C1orf116: variants seen among roughly 807,000 people sequenced by gnomAD.
C1orf116 encodes the protein chromosome 1 open reading frame 116, also known as specifically androgen-regulated gene protein.
In C1orf116, 12 loss-of-function variants were observed where a neutral mutation model predicts 14.1. The observed-to-expected ratio is 0.85, with a 90% CI of 0.54 to 1.38. The LOEUF is 1.38. Ranked by LOEUF, C1orf116 falls within the 40% of genes most tolerant of loss-of-function variation. C1orf116 has a pLI of 0.00. For synonymous variants in C1orf116, 296 were observed against 299.0 expected (o/e 0.99, Z 0.10); for missense variants, 797 against 747.0 (o/e 1.07, Z -0.78).
intron 2 of C1orf116, among the ~76,000 whole-genome samples, chr1:207,027,220 C>T (rs1157728227): frequency 6.6e-6 from 1 of 152,180 alleles, no homozygotes; most frequent in Non-Finnish European, 1.5e-5. Context: ...GATTACAGGC[C>T]TACTCTCTCT....
Position 207,022,537 on chromosome 1 carries a change from A to C in C1orf116, c.1227T>G (p.Ala409=), listed in dbSNP as rs763443019. The change falls in exon 4 of 4, where the codon GCT becomes GCG. Residue 409 remains alanine, a synonymous_variant. Transcript: ENST00000359470. ...ASAAIPAAGK[A]LAQAPAPAPG... is the part of the protein sequence containing the mutation. ...GAGCTGGAGCCGGAGCTTGAGCCAG[A>C]GCCTTCCCAGCAGCAGGAATAGCTG... 6.2e-7 allele frequency: 1 copy of C among 1,614,002 alleles called. No homozygotes were observed. Among genetic ancestry groups the C allele is most frequent in the Non-Finnish European group, 8.5e-7 (1 of 1,179,948 alleles).
In C1orf116 at chr1:207,022,995, T is replaced by G. The variant is rs766588041; in HGVS notation, c.769A>C (p.Thr257Pro). 1.2e-6 allele frequency: 2 copies of G among 1,613,938 alleles called. No individual in the cohort carries two copies. The highest frequency in any genetic ancestry group is 2.7e-5 in the African/African-American group (2 of 74,888). Residue 257 changes from threonine (T) to proline (P), a missense_variant, in exon 4 of 4, where the codon ACC becomes CCC. Physicochemically the swap from Thr to Pro is conservative, Grantham distance 38. Transcript: ENST00000359470. Reference sequence around the variant, plus strand: ...GGAGGCTGGGGTTGTGTGTACCTGGTTGAGACTGTTTCCTTGGCTTTTTGG... The same window carrying G: ...GGAGGCTGGGGTTGTGTGTACCTGGGTGAGACTGTTTCCTTGGCTTTTTGG... ...MSQKAKETVS[T>P]RYTQPQPPPA... is the part of the protein sequence containing the mutation.
rs1022798029 is a variant in C1orf116, at chr1:207,019,486, C to T, written c.*2472G>A. ...AGTAACTCTGACCCTACTCTTACCT[C>T]CCTCCCCATCAATTCAAGCTGAATT... On this transcript the variant is annotated 3_prime_UTR_variant, in exon 4 of 4. Coordinates refer to ENST00000359470, the MANE Select transcript of C1orf116 (RefSeq NM_023938.6). 2 of 152,232 alleles carry T rather than the reference C, an allele frequency of 1.3e-5. No individual in the cohort carries two copies. Among genetic ancestry groups the T allele is most frequent in the Admixed American group, 6.5e-5 (1 of 15,288 alleles). The allele number at this position is 152,232 out of a possible 1,614,324, so 9.4% of individuals were successfully genotyped here. A position where few individuals can be genotyped will look rare whatever the true frequency, so the allele number is the denominator to read the frequency against.
chr1:207,032,736 C>T lies in C1orf116; in HGVS notation c.-239G>A, dbSNP rs1770375. On this transcript the variant is annotated 5_prime_UTR_variant, in exon 1 of 4. Transcript: ENST00000359470. ...ATAGGTAAATGCTTCATCTGTGCTG[C>T]CTGGCCCCCACCCTGCCACTGACTC... 1.0e-6 allele frequency: 1 copy of T among 985,346 alleles called. No homozygotes were observed. The highest frequency in any genetic ancestry group is 4.7e-5 in the South Asian group (1 of 21,280). The allele number at this position is 985,346 out of a possible 1,614,324, so 61.0% of individuals were successfully genotyped here. A position where few individuals can be genotyped will look rare whatever the true frequency, so the allele number is the denominator to read the frequency against.
intron 3 of C1orf116, among the ~76,000 whole-genome samples, chr1:207,024,457 A>G (rs1162917148): frequency 6.6e-6 from 1 of 152,118 alleles, no homozygotes; most frequent in Non-Finnish European, 1.5e-5. Context: ...GGTACTTCCC[A>G]CTGCAGCTGG....
Position 207,024,812 on chromosome 1 carries a change from G to A in C1orf116, c.283+75C>T. On this transcript the variant is annotated intron_variant, in intron 3 of 3. Coordinates refer to ENST00000359470, the MANE Select transcript of C1orf116 (RefSeq NM_023938.6). ...GACCCTTGGGGTAGAGGGCAGGCGAGGTAGAAAGTGGCCGGAGGGGACATA... is the reference window on the plus strand; with the variant it reads ...GACCCTTGGGGTAGAGGGCAGGCGAAGTAGAAAGTGGCCGGAGGGGACATA... The A allele has an allele frequency of 3.3e-6, 5 of 1,536,184 alleles. No individual in the cohort carries two copies. The South Asian group carries it at 4.8e-5, about 15-fold the overall frequency.
At chr1:207,024,238 G>A (rs1421124340) in intron 3 of C1orf116, among the ~76,000 whole-genome samples, 1 of 152,210 alleles carries the variant, frequency 6.6e-6, no homozygotes, top group South Asian at 2.1e-4. Context: ...TCCAGGGAAG[G>A]TCTAACTACT....
intron 1 of C1orf116, 43 bp from the exon 2 acceptor site, chr1:207,027,722 G>C: frequency 8.1e-6 from 12 of 1,479,354 alleles, no homozygotes; most frequent in Non-Finnish European, 1.1e-5. Flanking sequence ...CCGAGGCTTC[G>C]GCAAGGCTCT....
In C1orf116 at chr1:207,031,224, A is replaced by G. The variant is rs79746235; in HGVS notation, c.-82+1355T>C. 8.5e-3 allele frequency among the ~76,000 whole-genome samples: 1,290 copies of G among 152,348 alleles called. 14 individuals are homozygous for G. Among genetic ancestry groups the G allele is most frequent in the African/African-American group, 0.029 (1,222 of 41,580 alleles). On this transcript the variant is annotated intron_variant, in intron 1 of 3. Coordinates refer to ENST00000359470, the MANE Select transcript of C1orf116 (RefSeq NM_023938.6). ...AATGACTAAAACTTGCACAGTTTGC[A>G]TATCTGTCTCCATGAACACATGGGC... is the stretch of plus-strand genomic sequence containing the variant.
chr1:207,020,016 T>C lies in C1orf116; in HGVS notation c.*1942A>G, dbSNP rs1266866769. 1 of 152,220 alleles carries C rather than the reference T, an allele frequency of 6.6e-6. No homozygotes were observed. Among genetic ancestry groups the C allele is most frequent in the African/African-American group, 2.4e-5 (1 of 41,470 alleles). The allele number at this position is 152,220 out of a possible 1,614,324, so 9.4% of individuals were successfully genotyped here. A position where few individuals can be genotyped will look rare whatever the true frequency, so the allele number is the denominator to read the frequency against. ...AATTAATGAATAAGGAATAAGGTGA[T>C]CATTCTTCAGGTTATGGGTTGAAAT... On this transcript the variant is annotated 3_prime_UTR_variant, in exon 4 of 4. Transcript: ENST00000359470.
chr1:207,023,325 T>C lies in C1orf116; in HGVS notation c.439A>G (p.Arg147Gly). ...NIHIARSQNF[R>G]KSTTQASSHN... Reference sequence around the variant, plus strand: ...CTGCTAGCCTGGGTGGTGCTTTTCCTGAAGTTCTGGCTTCTGGCAATGTGG... The same window carrying C: ...CTGCTAGCCTGGGTGGTGCTTTTCCCGAAGTTCTGGCTTCTGGCAATGTGG... Residue 147 changes from arginine (R) to glycine (G), a missense_variant, in exon 4 of 4, where the codon AGG (arginine) becomes GGG (glycine). Coordinates refer to ENST00000359470, the MANE Select transcript of C1orf116 (RefSeq NM_023938.6). 1 of 1,614,172 alleles carries C rather than the reference T, an allele frequency of 6.2e-7. No homozygotes were observed. Among genetic ancestry groups the C allele is most frequent in the Non-Finnish European group, 8.5e-7 (1 of 1,180,006 alleles).
chr1:207,022,521 C>A lies in C1orf116; in HGVS notation c.1243G>T (p.Ala415Ser), dbSNP rs771181032. Residue 415 changes from alanine (A) to serine (S), a missense_variant, in exon 4 of 4, where the codon GCT (alanine) becomes TCT (serine). Coordinates refer to ENST00000359470, the MANE Select transcript of C1orf116 (RefSeq NM_023938.6). ...CCCTGAGCTGGACCTGGAGCTGGAGCCGGAGCTTGAGCCAGAGCCTTCCCA... is the reference window on the plus strand; with the variant it reads ...CCCTGAGCTGGACCTGGAGCTGGAGACGGAGCTTGAGCCAGAGCCTTCCCA... Reference protein sequence around the residue: ...AAGKALAQAPAPAPGPAQGPL... With the variant: ...AAGKALAQAPSPAPGPAQGPL... 2 of 1,614,076 alleles carry A rather than the reference C, an allele frequency of 1.2e-6. No individual in the cohort carries two copies. Among genetic ancestry groups the A allele is most frequent in the Non-Finnish European group, 1.7e-6 (2 of 1,179,984 alleles).
At chr1:207,026,975 T>G (rs1028692178) in intron 2 of C1orf116, among the ~76,000 whole-genome samples, 2 of 152,228 alleles carry the variant, frequency 1.3e-5, no homozygotes, top group Non-Finnish European at 2.9e-5. Context: ...GTATGAACAC[T>G]AAGTATCCCA....
rs141737723 is a variant in C1orf116 at position 207,022,046 on chromosome 1, G to A, written c.1718C>T (p.Pro573Leu). 34 of 1,602,590 alleles carry A rather than the reference G, an allele frequency of 2.1e-5. No individual in the cohort carries two copies. The highest frequency in any genetic ancestry group is 2.0e-4 in the Admixed American group (12 of 58,628). Residue 573 changes from proline (P) to leucine (L), a missense_variant, in exon 4 of 4, where the codon CCC (proline) becomes CTC (leucine). Pro to Leu is a moderately conservative substitution (Grantham distance 98). Transcript: ENST00000359470. ...GQSRDKLPRP[P>L]CVSVKISPKG... is the part of the protein sequence containing the mutation. ...TGGGGAGATCTTGACACTGACACAGGGGGGGCGAGGAAGCTTGTCACGGCT... is the reference window on the plus strand; with the variant it reads ...TGGGGAGATCTTGACACTGACACAGAGGGGGCGAGGAAGCTTGTCACGGCT...
intron 2 of C1orf116, 108 bp downstream of exon 2, chr1:207,027,386 G>A (rs1682111401): frequency 1.5e-6 from 2 of 1,366,318 alleles, no homozygotes; most frequent in Admixed American, 1.8e-5. Context: ...AACAATGAAA[G>A]AGAAGGTGCA....
At position 207,027,479 on chromosome 1, in the gene C1orf116, G is replaced by C; in HGVS notation, c.105+15C>G. On this transcript the variant is annotated intron_variant, in intron 2 of 3. Transcript: ENST00000359470. ...AGAGAGCAGACCAGGTTGCGGGAGG[G>C]AGAGTATTACGTACAGATCCAGAGC... The C allele has an allele frequency of 6.2e-7, 1 of 1,613,612 alleles. No individual in the cohort carries two copies.
chr1:207,022,064 T>C lies in C1orf116; in HGVS notation c.1700A>G (p.Asp567Gly). Residue 567 changes from aspartate (D) to glycine (G), a missense_variant, in exon 4 of 4, where the codon GAC becomes GGC. By Grantham distance (94) the Asp-to-Gly change is moderately conservative. Transcript: ENST00000359470. ...GACACAGGGGGGGCGAGGAAGCTTGTCACGGCTCTGTCCTTGGTAGGACAG... is the reference window on the plus strand; with the variant it reads ...GACACAGGGGGGGCGAGGAAGCTTGCCACGGCTCTGTCCTTGGTAGGACAG... ...KRLSYQGQSR[D>G]KLPRPPCVSV... 1.9e-6 allele frequency: 3 copies of C among 1,608,802 alleles called. No individual in the cohort carries two copies. The highest frequency in any genetic ancestry group is 2.5e-6 in the Non-Finnish European group (3 of 1,177,588).
Position 207,026,201 on chromosome 1 carries a change from G to A in C1orf116, c.106-1137C>T, listed in dbSNP as rs1352841098. ...CCTGGAGGGAGGGGAGAGGGTTGCA[G>A]AATAACCCTTCCATTTGCCTCTGGA... On this transcript the variant is annotated intron_variant, in intron 2 of 3. Transcript: ENST00000359470. 2.6e-5 allele frequency among the ~76,000 whole-genome samples: 4 copies of A among 152,192 alleles called. No individual in the cohort carries two copies. The South Asian group carries it at 6.2e-4, about 24-fold the overall frequency.
chr1:207,022,493 G>T lies in C1orf116; in HGVS notation c.1271C>A (p.Pro424His), dbSNP rs779646107. ...PAPAPGPAQGPLPMKSPAPGN... is the reference protein window; with the variant it reads ...PAPAPGPAQGHLPMKSPAPGN... ...TGGAGCTGGAGACTTCATTGGCAAA[G>T]GTCCCTGAGCTGGACCTGGAGCTGG... Residue 424 changes from proline to histidine, a missense_variant, in exon 4 of 4, where the codon CCT (proline) becomes CAT (histidine). Transcript: ENST00000359470. The T allele has an allele frequency of 5.6e-6, 9 of 1,614,176 alleles. No individual in the cohort carries two copies. The Admixed American group carries it at 1.2e-4, about 21-fold the overall frequency.
Sources: gnomAD v4.1 joint callset for allele counts (sites outside exome capture counted in the v4.1 genomes callset) on GRCh38, gnomAD v4.1.1 for gene constraint, MANE v1.5 for transcripts, NCBI Gene and HGNC (gene_info 2026-07-23, HGNC 2026-07-21) for gene names.